Variants in ITPR1 observed in about 807,000 individuals in gnomAD.
The protein encoded by ITPR1 is inositol 1,4,5-trisphosphate-gated calcium channel ITPR1.
In ITPR1, 96 loss-of-function variants were observed where a neutral mutation model predicts 318.4. The ratio of observed to expected loss-of-function variants is 0.30; its 90% CI spans 0.26 to 0.36. The LOEUF is 0.36. Among genes scored for constraint, ITPR1 ranks in the 10% least tolerant of loss-of-function variants. The pLI is 1.00. For missense variants in ITPR1, 2,440 were observed against 3,460.2 expected, an observed-to-expected ratio of 0.71 and a Z score of 7.40; for synonymous variants, 1,312 against 1,289.9, an observed-to-expected ratio of 1.02 and a Z score of -0.37.
At chr3:4,819,605 T>A (rs1388269932) in intron 60 of ITPR1, among the ~76,000 whole-genome samples, 3 of 152,192 alleles carry the variant, frequency 2.0e-5, no homozygotes, top group Non-Finnish European at 4.4e-5. Flanking sequence ...ATCCTTTACA[T>A]ACATTTGGCC....
chr3:4,657,882 GGT>G lies in ITPR1; in HGVS notation c.997-238_997-237del, dbSNP rs371882320. 3.7e-3 allele frequency among the ~76,000 whole-genome samples: 569 copies of G among 152,312 alleles called. 7 individuals carry two copies. Among genetic ancestry groups the G allele is most frequent in the Middle Eastern group, 0.014 (4 of 294 alleles). ...GGCCTCCCCAAGTGCTGGGATTACA[GGT>G]GTGAGCCACCGTGCCCGGCTGGAAC... is the stretch of plus-strand genomic sequence containing the variant. On this transcript the variant is annotated intron_variant, in intron 12 of 61. Coordinates refer to ENST00000649015, the MANE Select transcript of ITPR1 (RefSeq NM_001378452.1).
chr3:4,559,069 G>A (rs1389599434), intron 4 of ITPR1, among the ~76,000 whole-genome samples: 5 of 151,940 alleles, frequency 3.3e-5, no homozygotes, highest in African/African-American at 1.2e-4. Flanking sequence ...TGTTGCCTAG[G>A]CTGGTCTCAA....
intron 2 of ITPR1, among the ~76,000 whole-genome samples, chr3:4,510,980 G>A (rs1012984016): frequency 6.6e-6 from 1 of 152,148 alleles, no homozygotes; most frequent in African/African-American, 2.4e-5. Flanking sequence ...GGCTTTGCTG[G>A]TGGTCACTGA....
Position 4,706,298 on chromosome 3 carries a change from G to A in ITPR1, c.4789G>A (p.Asp1597Asn). Residue 1597 changes from aspartate to asparagine, a missense_variant, in exon 37 of 62, where the codon GAC becomes AAC. Asp to Asn is a conservative substitution (Grantham distance 23). This residue lies in a region of ITPR1 where 166 missense variants were observed against 246.5 expected (regional missense o/e 0.67). Transcript: ENST00000649015. ...CTCAGCCCGCAATGCCGCACGCAGG[G>A]ACTCTGTTCTGGCAGCTTCCAGAGA... is the stretch of plus-strand genomic sequence containing the variant. ...RLSARNAARRDSVLAASRDYR... is the reference protein window; with the variant it reads ...RLSARNAARRNSVLAASRDYR... 1 of 1,614,016 alleles carries A rather than the reference G, an allele frequency of 6.2e-7. No homozygotes were observed. The highest frequency in any genetic ancestry group is 8.5e-7 in the Non-Finnish European group (1 of 1,179,874).
intron 37 of ITPR1, among the ~76,000 whole-genome samples, chr3:4,707,455 G>A (rs2125275206): frequency 6.6e-6 from 1 of 152,332 alleles, no homozygotes; most frequent in South Asian, 2.1e-4. Flanking sequence ...CATGGCGGCT[G>A]TGTCCCAAGA....
At chr3:4,523,415 C>T (rs2124932541) in intron 4 of ITPR1, among the ~76,000 whole-genome samples, 1 of 125,886 alleles carries the variant, frequency 7.9e-6, no homozygotes, top group Middle Eastern at 3.9e-3. Context: ...ATATACATTA[C>T]CTCACATGCT....
At chr3:4,738,818 C>T (rs1298552948) in intron 44 of ITPR1, among the ~76,000 whole-genome samples, 6 of 152,172 alleles carry the variant, frequency 3.9e-5, no homozygotes, top group African/African-American at 1.4e-4. Context: ...CGCAGTTCAG[C>T]CACGTGTGGA....
chr3:4,680,558 T>A lies in ITPR1; in HGVS notation c.2973T>A (p.Ile991=), dbSNP rs763781192. 12 of 1,613,240 alleles carry A rather than the reference T, an allele frequency of 7.4e-6. 1 individual carries two copies. In the South Asian group the frequency reaches 1.2e-4, roughly 16 times the overall value. The change falls in exon 25 of 62, where the codon ATT becomes ATA. Residue 991 remains isoleucine (I), a synonymous_variant. Coordinates refer to ENST00000649015, the MANE Select transcript of ITPR1 (RefSeq NM_001378452.1). The stretch of plus-strand genomic sequence containing the variant: ...ATTTCCACTTGAATCTTTAGTTTAT[T>A]TTGAATGTGAGGTTGGATTATAGGA... ...KLKIIEILQF[I]LNVRLDYRIS... is the part of the protein sequence containing the mutation.
At position 4,847,466 on chromosome 3, in the gene ITPR1, T is replaced by C. The variant is rs1221286866; in HGVS notation, c.*1241T>C. 3 of 151,966 alleles carry C rather than the reference T, an allele frequency of 2.0e-5. No homozygotes were observed. Among genetic ancestry groups the C allele is most frequent in the Non-Finnish European group, 4.4e-5 (3 of 67,962 alleles). The allele number at this position is 151,966 out of a possible 1,614,324, so 9.4% of individuals were successfully genotyped here. A position where few individuals can be genotyped will look rare whatever the true frequency, so the allele number is the denominator to read the frequency against. ...GAAATGAGTAAAGTTTGTAAATGCA[T>C]ATATAAAAATATTTAATAAATGATG... On this transcript the variant is annotated 3_prime_UTR_variant, in exon 62 of 62. Transcript: ENST00000649015.
rs200690107 is a variant in ITPR1, at chr3:4,553,333, TAGAC to T, written c.163+32242_163+32245del. Among the ~76,000 whole-genome samples the T allele has an allele frequency of 4.7e-3, 711 of 152,254 alleles. 10 individuals carry two copies. The highest frequency in any genetic ancestry group is 0.016 in the African/African-American group (661 of 41,534). Reference sequence around the variant, plus strand: ...CTCCAGCTATGATTTTTTTGACAGATAGACAGGGTGTGTGAGGTTGAGGCTTAAG... The same window carrying T: ...CTCCAGCTATGATTTTTTTGACAGATAGGGTGTGTGAGGTTGAGGCTTAAG... On this transcript the variant is annotated intron_variant, in intron 4 of 61. Coordinates refer to ENST00000649015, the MANE Select transcript of ITPR1 (RefSeq NM_001378452.1).
In ITPR1 at chr3:4,841,999, C is replaced by T. The variant is rs117114678; in HGVS notation, c.8191-4140C>T. On this transcript the variant is annotated intron_variant, in intron 61 of 61. Transcript: ENST00000649015. ...CTGTTTAGAATCTGAGTAACCAAGACCTTCCTGTAACATGAAAGCAGCTTT... is the reference window on the plus strand; with the variant it reads ...CTGTTTAGAATCTGAGTAACCAAGATCTTCCTGTAACATGAAAGCAGCTTT... Among the ~76,000 whole-genome samples, 20 of 152,302 alleles carry T rather than the reference C, an allele frequency of 1.3e-4. No homozygotes were observed. In the East Asian group the frequency reaches 3.5e-3, roughly 26 times the overall value.
At position 4,575,538 on chromosome 3, in the gene ITPR1, G is replaced by A. The variant is rs1440577961; in HGVS notation, c.164-52225G>A. Among the ~76,000 whole-genome samples, 6 of 152,272 alleles carry A rather than the reference G, an allele frequency of 3.9e-5. No homozygotes were observed. In the South Asian group the frequency reaches 1.2e-3, roughly 32 times the overall value. ...CACTGTTGGCATGGATAACTAGATT[G>A]ATGAATGACTAAGAGCTGAAACACA... is the stretch of plus-strand genomic sequence containing the variant. On this transcript the variant is annotated intron_variant, in intron 4 of 61. Coordinates refer to ENST00000649015, the MANE Select transcript of ITPR1 (RefSeq NM_001378452.1).
In ITPR1 at chr3:4,499,750, C is replaced by A. The variant is rs770346985; in HGVS notation, c.-17+5244C>A. The stretch of plus-strand genomic sequence containing the variant: ...GTGGTTTAACATGTTTCTGTATCCC[C>A]TTGGGGTACCATAATTTGGTAGTTA... On this transcript the variant is annotated intron_variant, in intron 2 of 61. Transcript: ENST00000649015. 7.6e-4 allele frequency among the ~76,000 whole-genome samples: 115 copies of A among 152,254 alleles called. 1 individual carries two copies. Among genetic ancestry groups the A allele is most frequent in the Non-Finnish European group, 6.6e-4 (45 of 68,014 alleles).
chr3:4,688,589 A>G lies in ITPR1; in HGVS notation c.3797A>G (p.His1266Arg). The change falls in exon 31 of 62, where the codon CAT becomes CGT. Residue 1266 changes from histidine to arginine, a missense_variant. Physicochemically the swap from His to Arg is conservative, Grantham distance 29 (BLOSUM62 0). Around this residue, in one of 23 missense-constraint regions of ITPR1, gnomAD observed 222 missense variants for 318.8 expected, o/e 0.70. Transcript: ENST00000649015. The stretch of plus-strand genomic sequence containing the variant: ...AACCAGCAGAATCAAGCTTTGCTAC[A>G]TAAACACATAAACCTGTTTCTCAAC... ...AGNQQNQALLHKHINLFLNPG... is the reference protein window; with the variant it reads ...AGNQQNQALLRKHINLFLNPG... 1.2e-6 allele frequency: 2 copies of G among 1,614,022 alleles called. No individual in the cohort carries two copies. The highest frequency in any genetic ancestry group is 8.5e-7 in the Non-Finnish European group (1 of 1,179,860).
intron 14 of ITPR1, 114 bp from the exon 15 acceptor site, chr3:4,661,968 C>G: frequency 1.2e-6 from 1 of 843,206 alleles, no homozygotes; most frequent in Non-Finnish European, 1.8e-6. Context: ...ATTTTAACTG[C>G]AAGATAGCTC....
intron 46 of ITPR1, among the ~76,000 whole-genome samples, chr3:4,771,894 C>T (rs938178723): frequency 1.3e-4 from 19 of 151,984 alleles, no homozygotes; most frequent in Non-Finnish European, 2.5e-4. Context: ...CTGCTCTGTT[C>T]GGAGTGGAAA....
intron 52 of ITPR1, among the ~76,000 whole-genome samples, chr3:4,792,229 C>A (rs958518882): frequency 2.0e-5 from 3 of 152,212 alleles, no homozygotes; most frequent in African/African-American, 7.2e-5. Context: ...CTCCCCACCT[C>A]ACATCCTTAA....
chr3:4,830,964 G>A (rs1480903817), intron 60 of ITPR1: 1 of 456,536 alleles, frequency 2.2e-6, no homozygotes, highest in East Asian at 6.9e-5. Flanking sequence ...GACTTTCTCT[G>A]AGGAGGTGAT....
intron 40 of ITPR1, among the ~76,000 whole-genome samples, chr3:4,723,671 G>T (rs1241130734): frequency 1.3e-5 from 2 of 151,450 alleles, no homozygotes; most frequent in Non-Finnish European, 2.9e-5. Flanking sequence ...CGACATACTA[G>T]TTCCATCTTT....
Sources: allele counts gnomAD v4.1 joint callset (sites outside exome capture counted in the v4.1 genomes callset), GRCh38; gene constraint gnomAD v4.1.1; regional missense constraint gnomAD v4.1.1; transcripts MANE v1.5; gene names NCBI Gene and HGNC (gene_info 2026-07-23, HGNC 2026-07-21).